The following ARHGEF3 variants were observed in gnomAD, a reference collection of about 807,000 sequenced individuals.
The protein encoded by ARHGEF3 is 59.8 kDA protein.
A neutral mutation model predicts 63.2 loss-of-function variants in ARHGEF3; 28 were observed. That is an observed-to-expected ratio of 0.44 (90% CI 0.33 to 0.61). The LOEUF is 0.61. Among genes scored for constraint, ARHGEF3 ranks in the 20% least tolerant of loss-of-function variants. The pLI is 0.03. For missense variants in ARHGEF3, 533 were observed against 659.3 expected, an observed-to-expected ratio of 0.81 and a Z score of 2.10; for synonymous variants, 266 against 254.2, an observed-to-expected ratio of 1.05 and a Z score of -0.44.
intron 4 of ARHGEF3, among the ~76,000 whole-genome samples, chr3:56,851,218 C>T (rs1000504211): frequency 7.9e-5 from 12 of 152,096 alleles, no homozygotes; most frequent in East Asian, 3.8e-4. Context: ...GGACAAAAGG[C>T]TATTGAGTCC....
At chr3:56,900,622 CCT>C (rs2041471592) in intron 3 of ARHGEF3, among the ~76,000 whole-genome samples, 2 of 152,204 alleles carry the variant, frequency 1.3e-5, no homozygotes, top group Admixed American at 1.3e-4. Context: ...AGAGCAAGAT[CCT>C]GTCTCAAAAC....
chr3:56,777,615 A>G (rs1037449240), intron 1 of ARHGEF3, among the ~76,000 whole-genome samples: 4 of 152,302 alleles, frequency 2.6e-5, no homozygotes, highest in Admixed American at 1.3e-4. Flanking sequence ...ATACTTTTTT[A>G]TTCCTCCAAA....
chr3:56,748,922 A>ACCCCC (rs1183943373), intron 6 of ARHGEF3, among the ~76,000 whole-genome samples: 2 of 102,632 alleles, frequency 1.9e-5, no homozygotes, highest in African/African-American at 3.6e-5. Context: ...GTTCCCCCCC[A>ACCCCC]CCCCCCTTTT....
chr3:56,859,178 AG>A (rs1291648595), intron 4 of ARHGEF3, among the ~76,000 whole-genome samples: 18 of 152,022 alleles, frequency 1.2e-4, no homozygotes, highest in African/African-American at 4.4e-4. Flanking sequence ...TTTGTTTTTG[AG>A]ACGGATGGAG....
At chr3:57,017,032 T>TCTCTCACACACACACA (rs1221332567) in intron 2 of ARHGEF3, among the ~76,000 whole-genome samples, 3 of 104,316 alleles carry the variant, frequency 2.9e-5, no homozygotes, top group African/African-American at 1.1e-4. Flanking sequence ...TCTCTCTCTC[T>TCTCTCACACACACACA]CACACACACA....
chr3:56,769,294 T>G (rs941693418), intron 2 of ARHGEF3, among the ~76,000 whole-genome samples: 5 of 152,182 alleles, frequency 3.3e-5, no homozygotes, highest in African/African-American at 1.2e-4. Flanking sequence ...CGAGCTCGCC[T>G]TCCTCACTCC....
chr3:56,860,104 TTTAA>T (rs2040023334), intron 4 of ARHGEF3, among the ~76,000 whole-genome samples: 1 of 152,044 alleles, frequency 6.6e-6, no homozygotes, highest in South Asian at 2.1e-4. Context: ...AAACAAACAA[TTTAA>T]TTAAAAATAA....
intron 1 of ARHGEF3, among the ~76,000 whole-genome samples, chr3:56,791,660 A>C (rs1029002674): frequency 6.6e-5 from 10 of 152,152 alleles, no homozygotes; most frequent in African/African-American, 2.4e-4. Context: ...ACCCAGAACC[A>C]TGACTGGCTT....
chr3:57,015,412 CTTACAATTTT>C (rs765744580), intron 2 of ARHGEF3, among the ~76,000 whole-genome samples: 9 of 152,074 alleles, frequency 5.9e-5, no homozygotes, highest in Non-Finnish European at 8.8e-5. Context: ...TGTATGTGCT[CTTACAATTTT>C]GTAAAATTCG....
At chr3:56,869,350 A>G (rs1200101416) in intron 4 of ARHGEF3, among the ~76,000 whole-genome samples, 1 of 152,222 alleles carries the variant, frequency 6.6e-6, no homozygotes, top group African/African-American at 2.4e-5. Flanking sequence ...TGTTATGCTT[A>G]TAGAGAAACC....
chr3:56,995,620 C>CCAGA (rs1460466352), intron 2 of ARHGEF3, among the ~76,000 whole-genome samples: 28 of 113,234 alleles, frequency 2.5e-4, no homozygotes, highest in African/African-American at 9.3e-4. Flanking sequence ...GTAAATTTTC[C>CCAGA]GAGAGAGAGA....
intron 2 of ARHGEF3, among the ~76,000 whole-genome samples, chr3:56,998,216 A>C (rs1579052938): frequency 6.6e-6 from 1 of 152,096 alleles, no homozygotes; most frequent in Non-Finnish European, 1.5e-5. Flanking sequence ...CACAAAAGAA[A>C]ATGGTCCAAA....
intron 3 of ARHGEF3, among the ~76,000 whole-genome samples, chr3:56,920,133 A>AT (rs2042087551): frequency 6.6e-6 from 1 of 152,180 alleles, no homozygotes; most frequent in Non-Finnish European, 1.5e-5. Flanking sequence ...GGGGAAAAAA[A>AT]CCTACAAAAT....
At chr3:56,878,334 G>A (rs759013720) in intron 4 of ARHGEF3, among the ~76,000 whole-genome samples, 2 of 152,158 alleles carry the variant, frequency 1.3e-5, no homozygotes, top group Non-Finnish European at 2.9e-5. Flanking sequence ...TTCTCCACTC[G>A]GCAGATTGCT....
At chr3:56,869,226 A>T (rs1416302897) in intron 4 of ARHGEF3, among the ~76,000 whole-genome samples, 1 of 152,150 alleles carries the variant, frequency 6.6e-6, no homozygotes, top group East Asian at 1.9e-4. Flanking sequence ...GAATAAACCC[A>T]TTCAGGTTTC....
chr3:56,836,673 C>T (rs1578640326), intron 4 of ARHGEF3, among the ~76,000 whole-genome samples: 1 of 152,140 alleles, frequency 6.6e-6, no homozygotes, highest in Admixed American at 6.6e-5. Flanking sequence ...CGCCTGTAGT[C>T]CCAGCACTTT....
chr3:56,894,918 C>G (rs2041248292), intron 3 of ARHGEF3, among the ~76,000 whole-genome samples: 1 of 152,168 alleles, frequency 6.6e-6, no homozygotes, highest in Admixed American at 6.5e-5. Context: ...AGCAAAGACT[C>G]CGGATTAGAA....
intron 4 of ARHGEF3, among the ~76,000 whole-genome samples, chr3:56,855,547 G>A (rs1193922951): frequency 6.6e-6 from 1 of 152,022 alleles, no homozygotes; most frequent in Non-Finnish European, 1.5e-5. Context: ...GCTGGGCGTG[G>A]TGGCATGTGC....
intron 1 of ARHGEF3, among the ~76,000 whole-genome samples, chr3:57,054,498 C>T (rs1332050200): frequency 6.7e-6 from 1 of 149,082 alleles, no homozygotes; most frequent in East Asian, 2.0e-4. Context: ...AAAAGTCGGG[C>T]ATGATGGTGC....
Sources: gnomAD v4.1 joint callset for allele counts (sites outside exome capture counted in the v4.1 genomes callset) on GRCh38, gnomAD v4.1.1 for gene constraint, MANE v1.5 for transcripts, NCBI Gene and HGNC (gene_info 2026-07-23, HGNC 2026-07-21) for gene names.